The following TPRG1 variants were observed in gnomAD, a reference collection of about 807,000 sequenced individuals.
TPRG1 encodes the protein tumor protein p63 regulated 1, also known as tumor protein p63-regulated gene 1 protein.
Under a neutral mutation model 29.3 loss-of-function variants are expected in TPRG1, and 29 were observed. That is an observed-to-expected ratio of 0.99 (90% CI 0.74 to 1.35). The LOEUF (loss-of-function observed/expected upper bound fraction) is 1.35. Among genes scored for constraint, TPRG1 ranks in the 40% most tolerant of loss-of-function variants. The probability of loss-of-function intolerance (pLI) is 0.00; values close to 1 mark genes in which losing one functional copy is unlikely to be tolerated. For synonymous variants in TPRG1, 130 were observed against 116.8 expected (o/e 1.11, Z -0.73); for missense variants, 327 against 335.0 (o/e 0.98, Z 0.19).
chr3:189,154,291 A>G (rs1408037404), intron 5 of TPRG1, among the ~76,000 whole-genome samples: 1 of 152,236 alleles, frequency 6.6e-6, no homozygotes, highest in Non-Finnish European at 1.5e-5. Context: ...ACTGAGGCTC[A>G]GAGAAGTAAT....
At chr3:189,267,019 T>G (rs544234607) in intron 4 of TPRG1, among the ~76,000 whole-genome samples, 2 of 152,228 alleles carry the variant, frequency 1.3e-5, no homozygotes, top group South Asian at 2.1e-4. Context: ...GAAAGAGAGA[T>G]AAAATACAGT....
At chr3:189,313,468 A>T (rs1276749532) in intron 5 of TPRG1, among the ~76,000 whole-genome samples, 1 of 152,216 alleles carries the variant, frequency 6.6e-6, no homozygotes, top group African/African-American at 2.4e-5. Flanking sequence ...GCATAACTAA[A>T]TCAAAAACTG....
At chr3:189,256,191 C>A (rs1711842815) in intron 4 of TPRG1, among the ~76,000 whole-genome samples, 1 of 152,036 alleles carries the variant, frequency 6.6e-6, no homozygotes, top group Non-Finnish European at 1.5e-5. Flanking sequence ...TAGCTGTGTC[C>A]CAGAGATTTT....
Position 189,204,947 on chromosome 3 carries a change from T to TCTCACACACACACA in TPRG1, c.-9-2428_-9-2427insTCACACACACACAC, listed in dbSNP as rs766857963. On this transcript the variant is annotated intron_variant, in intron 1 of 5. Transcript: ENST00000345063. ...CTGTCTCTATGTCTCTCTCTCTCTC[T>TCTCACACACACACA]CACACACACACACACACACACACAC... is the stretch of plus-strand genomic sequence containing the variant. Among the ~76,000 whole-genome samples the TCTCACACACACACA allele has an allele frequency of 9.4e-4, 138 of 147,170 alleles. 3 individuals carry two copies. In the East Asian group the frequency reaches 0.023, roughly 25 times the overall value.
intron 4 of TPRG1, among the ~76,000 whole-genome samples, chr3:189,287,400 CT>C (rs79217716): frequency 2.7e-3 from 374 of 140,564 alleles, no homozygotes; most frequent in Middle Eastern, 7.4e-3. Flanking sequence ...TTCTTTCTTT[CT>C]TTTTTTTTTT....
intron 4 of TPRG1, among the ~76,000 whole-genome samples, chr3:189,074,956 C>T (rs1210877005): frequency 3.3e-5 from 5 of 151,354 alleles, no homozygotes; most frequent in Admixed American, 1.3e-4. Flanking sequence ...GGACTACAGG[C>T]GCCCGCCACC....
At chr3:189,312,039 C>T (rs1722577429) in intron 5 of TPRG1, among the ~76,000 whole-genome samples, 1 of 152,074 alleles carries the variant, frequency 6.6e-6, no homozygotes, top group East Asian at 1.9e-4. Context: ...AATCTTCAAA[C>T]TCTGTTTCAA....
intron 4 of TPRG1, among the ~76,000 whole-genome samples, chr3:189,300,912 T>C (rs1720720477): frequency 6.6e-6 from 1 of 152,192 alleles, no homozygotes; most frequent in South Asian, 2.1e-4. Context: ...AAATCCTGGC[T>C]CTCACTAGTT....
At chr3:189,062,559 A>G (rs1458264124) in intron 4 of TPRG1, among the ~76,000 whole-genome samples, 1 of 152,194 alleles carries the variant, frequency 6.6e-6, no homozygotes, top group Non-Finnish European at 1.5e-5. Context: ...AGTTTTATAA[A>G]TCATAATTGA....
chr3:189,145,357 T>C (rs1353586530), intron 3 of TPRG1, among the ~76,000 whole-genome samples: 1 of 69,644 alleles, frequency 1.4e-5, no homozygotes, highest in Non-Finnish European at 3.2e-5. Context: ...GGAGACTCCA[T>C]CTAAAAAAAA....
At chr3:189,313,284 G>T (rs1722993275) in intron 5 of TPRG1, 1 of 152,062 alleles carries the variant, frequency 6.6e-6, no homozygotes, top group South Asian at 2.1e-4. Flanking sequence ...CTTTGATTAA[G>T]ACCCAGTTAT....
intron 1 of TPRG1, among the ~76,000 whole-genome samples, chr3:189,106,810 C>G (rs1439181386): frequency 1.3e-5 from 2 of 151,914 alleles, no homozygotes; most frequent in Non-Finnish European, 2.9e-5. Context: ...ATTACTGTCC[C>G]AATTTCCATC....
intron 5 of TPRG1, among the ~76,000 whole-genome samples, chr3:189,316,799 T>C (rs1723607184): frequency 6.6e-6 from 1 of 152,072 alleles, no homozygotes; most frequent in South Asian, 2.1e-4. Context: ...CATAAAAGCT[T>C]TTAGGGAAAA....
chr3:189,250,837 C>G (rs918388317), intron 4 of TPRG1, among the ~76,000 whole-genome samples: 1 of 151,660 alleles, frequency 6.6e-6, no homozygotes, highest in South Asian at 2.1e-4. Flanking sequence ...GTGTCTTTAC[C>G]TCCCTTGTGC....
At chr3:189,292,850 C>G (rs1329515737) in intron 4 of TPRG1, among the ~76,000 whole-genome samples, 4 of 152,182 alleles carry the variant, frequency 2.6e-5, no homozygotes, top group East Asian at 1.9e-4. Flanking sequence ...CCAGATTATC[C>G]CACAAGGAAG....
chr3:189,199,480 C>G (rs1578782954), intron 1 of TPRG1, among the ~76,000 whole-genome samples: 1 of 152,142 alleles, frequency 6.6e-6, no homozygotes, highest in Admixed American at 6.5e-5. Flanking sequence ...ATAAATGGAT[C>G]TTTTTTGACT....
intron 3 of TPRG1, chr3:189,217,948 A>G (rs1044177119): frequency 2.0e-6 from 2 of 985,448 alleles, no homozygotes; most frequent in African/African-American, 3.5e-5. Context: ...CTCCCCCAAC[A>G]GCAACCACAA....
chr3:189,251,515 C>A (rs1156229313), intron 4 of TPRG1, among the ~76,000 whole-genome samples: 2 of 152,016 alleles, frequency 1.3e-5, no homozygotes, highest in Non-Finnish European at 2.9e-5. Context: ...ACGGAGGATC[C>A]CGCCAGCCTC....
chr3:189,265,132 G>T (rs1181644956), intron 4 of TPRG1, among the ~76,000 whole-genome samples: 6 of 152,138 alleles, frequency 3.9e-5, no homozygotes, highest in Non-Finnish European at 8.8e-5. Flanking sequence ...TGGTGTGGTT[G>T]GTATTTTGAT....
Sources: gnomAD v4.1 joint callset for allele counts (sites outside exome capture counted in the v4.1 genomes callset) on GRCh38, gnomAD v4.1.1 for gene constraint, MANE v1.5 for transcripts, NCBI Gene and HGNC (gene_info 2026-07-23, HGNC 2026-07-21) for gene names.